The following NLGN1 variants were observed in gnomAD, a reference collection of about 807,000 sequenced individuals.
The protein encoded by NLGN1 is neuroligin-1.
Under a neutral mutation model 65.5 loss-of-function variants are expected in NLGN1, and 12 were observed. The observed-to-expected ratio is 0.18, with a 90% CI of 0.12 to 0.30. NLGN1 has a LOEUF of 0.30. Ranked by LOEUF, NLGN1 falls within the 10% of genes least tolerant of loss-of-function variation. The probability of loss-of-function intolerance (pLI) is 1.00; values close to 1 mark genes in which losing one functional copy is unlikely to be tolerated. For synonymous variants in NLGN1, 350 were observed against 359.5 expected, an observed-to-expected ratio of 0.97 and a Z score of 0.30; for missense variants, 750 against 1,007.1, an observed-to-expected ratio of 0.74 and a Z score of 3.46.
intron 4 of NLGN1, among the ~76,000 whole-genome samples, chr3:174,024,141 TAAAAAAA>T (rs34508881): frequency 1.2e-5 from 1 of 86,038 alleles, no homozygotes; most frequent in Non-Finnish European, 2.2e-5. Context: ...AGAGTCCTAT[TAAAAAAA>T]AAAAAAAAAA....
At chr3:173,911,005 T>C (rs1739473270) in intron 4 of NLGN1, 1 of 152,198 alleles carries the variant, frequency 6.6e-6, no homozygotes, top group Admixed American at 6.5e-5. Context: ...AATCACAATG[T>C]TTTATTGCAT....
At chr3:173,738,705 T>C (rs1774155428) in intron 3 of NLGN1, among the ~76,000 whole-genome samples, 1 of 152,100 alleles carries the variant, frequency 6.6e-6, no homozygotes, top group African/African-American at 2.4e-5. Context: ...ATTTTTGAGA[T>C]CGTTTTGGCA....
At chr3:173,678,289 T>C (rs1425363623) in intron 3 of NLGN1, among the ~76,000 whole-genome samples, 1 of 152,128 alleles carries the variant, frequency 6.6e-6, no homozygotes, top group Non-Finnish European at 1.5e-5. Context: ...TGGTTCCTGC[T>C]TTTAAGAAAC....
chr3:173,991,705 C>T (rs927945459), intron 4 of NLGN1, among the ~76,000 whole-genome samples: 8 of 152,160 alleles, frequency 5.3e-5, no homozygotes, highest in Non-Finnish European at 1.0e-4. Context: ...ATTGAAGGCT[C>T]CGTATGCTCC....
In NLGN1 at chr3:173,542,832, G is replaced by A. The variant is rs940354375; in HGVS notation, c.-320-61447G>A. ...TATACTCTAAAGTGATTGAAAATACGTGCCACATGTCTATTGTCTTTTCAA... is the reference window on the plus strand; with the variant it reads ...TATACTCTAAAGTGATTGAAAATACATGCCACATGTCTATTGTCTTTTCAA... On this transcript the variant is annotated intron_variant, in intron 2 of 6. Coordinates refer to ENST00000457714, the Ensembl canonical transcript of NLGN1. 7.9e-5 allele frequency among the ~76,000 whole-genome samples: 12 copies of A among 151,934 alleles called. No individual in the cohort carries two copies. The East Asian group carries it at 9.6e-4, about 12-fold the overall frequency.
At chr3:174,071,425 T>C (rs973394635) in intron 4 of NLGN1, among the ~76,000 whole-genome samples, 1 of 152,150 alleles carries the variant, frequency 6.6e-6, no homozygotes, top group Non-Finnish European at 1.5e-5. Context: ...CTTATGCCTG[T>C]AATCCTAGCA....
intron 4 of NLGN1, among the ~76,000 whole-genome samples, chr3:174,086,200 T>C (rs1743206307): frequency 2.0e-5 from 3 of 150,516 alleles, no homozygotes; most frequent in Non-Finnish European, 3.0e-5. Context: ...TGTGTGTGTG[T>C]GTGTGCGTGT....
chr3:173,950,562 G>A (rs893670124), intron 4 of NLGN1, among the ~76,000 whole-genome samples: 2 of 151,942 alleles, frequency 1.3e-5, no homozygotes, highest in Non-Finnish European at 2.9e-5. Context: ...CCTGTAATCC[G>A]AGCACTTTGG....
chr3:173,613,556 A>T (rs762689001), intron 3 of NLGN1, among the ~76,000 whole-genome samples: 1 of 152,146 alleles, frequency 6.6e-6, no homozygotes, highest in Non-Finnish European at 1.5e-5. Flanking sequence ...TTTTATCCAG[A>T]TGGTTGCTTA....
chr3:173,683,934 T>G (rs543347340), intron 3 of NLGN1, among the ~76,000 whole-genome samples: 2 of 152,246 alleles, frequency 1.3e-5, no homozygotes, highest in African/African-American at 4.8e-5. Flanking sequence ...TTAGCACAGA[T>G]CCAGCTGATT....
chr3:174,283,203 A>G (rs1251125924), exon 7 of NLGN1: 1 of 151,496 alleles, frequency 6.6e-6, no homozygotes, highest in African/African-American at 2.4e-5. Flanking sequence ...TCTAGATTAG[A>G]CCAGTCAGGT....
chr3:174,007,260 A>G (rs1262312967), intron 4 of NLGN1, among the ~76,000 whole-genome samples: 1 of 152,136 alleles, frequency 6.6e-6, no homozygotes, highest in Non-Finnish European at 1.5e-5. Context: ...GAGAGAAAAT[A>G]CATTTTTTGT....
At chr3:173,682,327 C>G (rs752347729) in intron 3 of NLGN1, among the ~76,000 whole-genome samples, 1 of 151,970 alleles carries the variant, frequency 6.6e-6, no homozygotes, top group African/African-American at 2.4e-5. Flanking sequence ...CGGTGGCTCA[C>G]GCCTGTAATC....
chr3:173,798,990 C>T (rs913590216), intron 3 of NLGN1, among the ~76,000 whole-genome samples: 9 of 151,872 alleles, frequency 5.9e-5, no homozygotes, highest in African/African-American at 1.7e-4. Flanking sequence ...ATAGTAATCT[C>T]GGAAAAGACT....
At chr3:173,908,131 G>A (rs941506017) in intron 4 of NLGN1, among the ~76,000 whole-genome samples, 1 of 152,106 alleles carries the variant, frequency 6.6e-6, no homozygotes, top group Non-Finnish European at 1.5e-5. Context: ...TAAAAATAAG[G>A]CACAAATAAG....
At chr3:173,984,449 C>G (rs995243836) in intron 4 of NLGN1, among the ~76,000 whole-genome samples, 2 of 152,150 alleles carry the variant, frequency 1.3e-5, no homozygotes, top group Non-Finnish European at 2.9e-5. Context: ...CAAGATATTT[C>G]AAACGCTCAT....
At chr3:173,704,976 C>A (rs1767824605) in intron 3 of NLGN1, among the ~76,000 whole-genome samples, 1 of 152,160 alleles carries the variant, frequency 6.6e-6, no homozygotes, top group Non-Finnish European at 1.5e-5. Context: ...TACTTTCAAT[C>A]TTGACAATTT....
chr3:173,752,628 C>A (rs1233246176), intron 3 of NLGN1, among the ~76,000 whole-genome samples: 1 of 152,012 alleles, frequency 6.6e-6, no homozygotes, highest in Non-Finnish European at 1.5e-5. Context: ...TCCCTTACTC[C>A]TCTCTCTTTC....
chr3:174,287,109 ATATCT>A (rs1752212610), downstream of NLGN1, among the ~76,000 whole-genome samples: 1 of 151,074 alleles, frequency 6.6e-6, no homozygotes, highest in South Asian at 2.1e-4. Flanking sequence ...ATCTAGGAAG[ATATCT>A]TAAATTTAAT....
Sources: allele counts gnomAD v4.1 joint callset (sites outside exome capture counted in the v4.1 genomes callset), GRCh38; gene constraint gnomAD v4.1.1; transcripts MANE v1.5; gene names NCBI Gene and HGNC (gene_info 2026-07-23, HGNC 2026-07-21).